The following DNAH8 variants were observed in gnomAD, a reference collection of about 807,000 sequenced individuals.
DNAH8 encodes the protein dynein axonemal heavy chain 8, also known as axonemal beta dynein heavy chain 8.
Under a neutral mutation model 562.1 loss-of-function variants are expected in DNAH8, and 382 were observed. The observed-to-expected ratio is 0.68, with a 90% CI of 0.63 to 0.74. The LOEUF is 0.74. Ranked by LOEUF, DNAH8 falls within the 30% of genes least tolerant of loss-of-function variation. The pLI is 0.00. For missense variants in DNAH8, 5,203 were observed against 5,620.4 expected (o/e 0.93, Z 2.37); for synonymous variants, 1,881 against 1,919.4 (o/e 0.98, Z 0.52).
chr6:38,931,793 A>G lies in DNAH8; in HGVS notation c.11275-18A>G. 1 of 1,507,684 alleles carries G rather than the reference A, an allele frequency of 6.6e-7. No homozygotes were observed. The highest frequency in any genetic ancestry group is 8.9e-7 in the Non-Finnish European group (1 of 1,121,746). 93.4% of individuals were successfully genotyped at this position (1,507,684 alleles called of 1,614,324 possible). ...TGCCCTTTAAGCTGTTTTTAATTTT[A>G]TATGTGAATTTATGTAGGTGAAAGT... On this transcript the variant is annotated intron_variant, in intron 75 of 92. Coordinates refer to ENST00000327475, the MANE Select transcript of DNAH8 (RefSeq NM_001206927.2).
chr6:38,999,860 A>C (rs1412464912), intron 88 of DNAH8, among the ~76,000 whole-genome samples: 2 of 151,604 alleles, frequency 1.3e-5, no homozygotes, highest in African/African-American at 4.8e-5. Flanking sequence ...AATAATTAGA[A>C]ATGAATGTTC....
At chr6:38,890,810 C>T in intron 58 of DNAH8, 49 bp downstream of exon 58, 8 of 1,264,422 alleles carry the variant, frequency 6.3e-6, no homozygotes, top group Non-Finnish European at 9.3e-6. Flanking sequence ...TATTATTCAG[C>T]CCTAGATCAC....
chr6:38,988,251 C>G (rs1481620255), intron 87 of DNAH8, among the ~76,000 whole-genome samples: 2 of 152,146 alleles, frequency 1.3e-5, no homozygotes, highest in Non-Finnish European at 2.9e-5. Context: ...CAAAGTAGCT[C>G]CATGTAGATT....
At chr6:38,830,145 T>C (rs1773705396) in intron 30 of DNAH8, among the ~76,000 whole-genome samples, 1 of 152,208 alleles carries the variant, frequency 6.6e-6, no homozygotes, top group African/African-American at 2.4e-5. Flanking sequence ...CTCTCTACCA[T>C]TTATTTGTGC....
intron 45 of DNAH8, 143 bp from the exon 46 acceptor site, chr6:38,866,448 T>C: frequency 3.3e-6 from 2 of 613,232 alleles, no homozygotes; most frequent in South Asian, 4.6e-5. Context: ...CTAATACATA[T>C]TGTTTTGAGA....
chr6:39,008,061 C>G (rs1765910095), intron 88 of DNAH8, among the ~76,000 whole-genome samples: 1 of 151,254 alleles, frequency 6.6e-6, no homozygotes, highest in African/African-American at 2.4e-5. Context: ...TGAAAGAAAG[C>G]TAGAGAGTGG....
rs1777383741 is a variant in DNAH8 at position 38,870,489 on chromosome 6, A to C, written c.6917A>C (p.Gln2306Pro). 11 of 1,614,012 alleles carry C rather than the reference A, an allele frequency of 6.8e-6. No homozygotes were observed. The highest frequency in any genetic ancestry group is 8.5e-6 in the Non-Finnish European group (10 of 1,179,974). Residue 2306 changes from glutamine to proline, a missense_variant, in exon 49 of 93, where the codon CAA becomes CCA. Physicochemically the swap from Gln to Pro is moderately conservative, Grantham distance 76 (BLOSUM62 -1). This residue lies in a region of DNAH8 where 2,176 missense variants were observed against 2,365.1 expected (regional missense o/e 0.92). Coordinates refer to ENST00000327475, the MANE Select transcript of DNAH8 (RefSeq NM_001206927.2). Reference protein sequence around the residue: ...QLDSNTYAELQNAVAHQVQIE... With the variant: ...QLDSNTYAELPNAVAHQVQIE... Reference sequence around the variant, plus strand: ...GATAGTAATACTTATGCAGAACTGCAAAACGCAGTAGCCCATCAGGTTCAG... The same window carrying C: ...GATAGTAATACTTATGCAGAACTGCCAAACGCAGTAGCCCATCAGGTTCAG...
At chr6:39,019,915 G>A (rs189689810) in intron 91 of DNAH8, among the ~76,000 whole-genome samples, 7 of 152,306 alleles carry the variant, frequency 4.6e-5, no homozygotes, top group Non-Finnish European at 8.8e-5. Flanking sequence ...GAAGGACAAG[G>A]TCTTTAGGGT....
In DNAH8 at chr6:38,931,925, G is replaced by T; in HGVS notation, c.11389G>T (p.Asp3797Tyr). ...PEINAKTSVI[D>Y]FTVTMKGLEN... ...GATTAATGCTAAAACGTCAGTCATT[G>T]ATTTCACTGTTACAATGAAAGGACT... Residue 3797 changes from aspartate (D) to tyrosine (Y), a missense_variant, in exon 76 of 93, where the codon GAT becomes TAT. This residue lies in a region of DNAH8 where 1,399 missense variants were observed against 1,518.4 expected (regional missense o/e 0.92). Coordinates refer to ENST00000327475, the MANE Select transcript of DNAH8 (RefSeq NM_001206927.2). The T allele has an allele frequency of 6.2e-7, 1 of 1,611,386 alleles. No individual in the cohort carries two copies. The highest frequency in any genetic ancestry group is 1.1e-5 in the South Asian group (1 of 90,498).
chr6:38,898,217 G>A (rs777082936), intron 60 of DNAH8, 41 bp from the exon 61 acceptor site: 1 of 1,538,344 alleles, frequency 6.5e-7, no homozygotes, highest in African/African-American at 1.4e-5. Flanking sequence ...TACATACTTG[G>A]ATCTTAAATA....
chr6:38,801,354 A>G (rs1770762707), intron 21 of DNAH8, among the ~76,000 whole-genome samples: 1 of 152,204 alleles, frequency 6.6e-6, no homozygotes, highest in African/African-American at 2.4e-5. Context: ...AATTTGTATG[A>G]CATTCTCCCA....
chr6:38,966,516 A>C (rs576930353), intron 82 of DNAH8, among the ~76,000 whole-genome samples: 91 of 152,334 alleles, frequency 6.0e-4, no homozygotes, highest in African/African-American at 2.0e-3. Flanking sequence ...AAATGCAGAC[A>C]AAGACATCAC....
In DNAH8 at chr6:38,815,645, A is replaced by C; in HGVS notation, c.3511A>C (p.Lys1171Gln). 6.2e-7 allele frequency: 1 copy of C among 1,612,190 alleles called. No individual in the cohort carries two copies. The highest frequency in any genetic ancestry group is 8.5e-7 in the Non-Finnish European group (1 of 1,178,744). The change falls in exon 26 of 93, where the codon AAG becomes CAG. Residue 1171 changes from lysine (K) to glutamine (Q), a missense_variant. Coordinates refer to ENST00000327475, the MANE Select transcript of DNAH8 (RefSeq NM_001206927.2). ...VTHQNTGKLL[K>Q]KEERSFEEAI... is the part of the protein sequence containing the mutation. ...CCATCAAAACACAGGAAAACTGCTGAAGAAGGAAGAAAGTAAGAATGTAAA... is the reference window on the plus strand; with the variant it reads ...CCATCAAAACACAGGAAAACTGCTGCAGAAGGAAGAAAGTAAGAATGTAAA...
chr6:38,773,419 C>T (rs1349675354), intron 12 of DNAH8, among the ~76,000 whole-genome samples: 1 of 152,090 alleles, frequency 6.6e-6, no homozygotes, highest in African/African-American at 2.4e-5. Flanking sequence ...CCCAGGAATT[C>T]CTCTGATGCT....
chr6:38,965,685 C>T (rs1438082481), intron 82 of DNAH8, among the ~76,000 whole-genome samples: 2 of 152,176 alleles, frequency 1.3e-5, no homozygotes, highest in Non-Finnish European at 2.9e-5. Context: ...GCAACACTTC[C>T]TCCAATGTTT....
At position 38,944,580 on chromosome 6, in the gene DNAH8, T is replaced by C. The variant is rs781597804; in HGVS notation, c.12008-887T>C. 6.1e-4 allele frequency among the ~76,000 whole-genome samples: 93 copies of C among 152,210 alleles called. 5 individuals are homozygous for C. Among genetic ancestry groups the C allele is most frequent in the Non-Finnish European group, 1.8e-4 (12 of 68,034 alleles). On this transcript the variant is annotated intron_variant, in intron 79 of 92. Coordinates refer to ENST00000327475, the MANE Select transcript of DNAH8 (RefSeq NM_001206927.2). ...TTATTATGATACATTACTAAAGACA[T>C]GCAATAGAGGAATTTTTAAATTGTA... is the stretch of plus-strand genomic sequence containing the variant.
At position 38,827,236 on chromosome 6, in the gene DNAH8, G is replaced by C. The variant is rs1408610657; in HGVS notation, c.4083+845G>C. ...ACATCAGGCCCGCCTGTTAATCCAG[G>C]GTAATCTCCCCATGGCAAGCTCCTT... On this transcript the variant is annotated intron_variant, in intron 29 of 92. Transcript: ENST00000327475. Among the ~76,000 whole-genome samples, 5 of 152,062 alleles carry C rather than the reference G, an allele frequency of 3.3e-5. No homozygotes were observed. In the East Asian group the frequency reaches 9.6e-4, roughly 29 times the overall value.
At chr6:38,740,969 T>A (rs923585909) in intron 7 of DNAH8, among the ~76,000 whole-genome samples, 1 of 152,226 alleles carries the variant, frequency 6.6e-6, no homozygotes, top group African/African-American at 2.4e-5. Context: ...TTATGCCATT[T>A]TTGGTTTTTT....
chr6:38,981,272 G>A (rs1033972414), intron 85 of DNAH8, among the ~76,000 whole-genome samples: 1 of 152,112 alleles, frequency 6.6e-6, no homozygotes. Context: ...AAAAGCTGAT[G>A]CCATAGAAAC....
Sources: gnomAD v4.1 joint callset for allele counts (sites outside exome capture counted in the v4.1 genomes callset) on GRCh38, gnomAD v4.1.1 for gene constraint, gnomAD v4.1.1 regional missense constraint, MANE v1.5 for transcripts, NCBI Gene and HGNC (gene_info 2026-07-23, HGNC 2026-07-21) for gene names.